Variants in ALDH1A2 observed in about 807,000 individuals in gnomAD.
ALDH1A2 encodes the protein retinal dehydrogenase 2.
A neutral mutation model predicts 60.3 loss-of-function variants in ALDH1A2; 27 were observed. That is an observed-to-expected ratio of 0.45 (90% confidence interval 0.33 to 0.62). The LOEUF is 0.62. Ranked by LOEUF, ALDH1A2 falls within the 20% of genes least tolerant of loss-of-function variation. The pLI, the probability that ALDH1A2 is intolerant of heterozygous loss-of-function variation, is 0.02. For missense variants in ALDH1A2, 581 were observed against 643.8 expected, an observed-to-expected ratio of 0.90 and a Z score of 1.06; for synonymous variants, 289 against 232.4, an observed-to-expected ratio of 1.24 and a Z score of -2.21.
intron 1 of ALDH1A2, among the ~76,000 whole-genome samples, chr15:58,033,491 T>G (rs1169363340): frequency 1.3e-5 from 2 of 151,890 alleles, no homozygotes; most frequent in Admixed American, 1.3e-4. Context: ...TTTAACAACT[T>G]CACCTTTAAA....
chr15:58,028,388 C>T (rs1258679104), intron 1 of ALDH1A2, among the ~76,000 whole-genome samples: 39 of 152,130 alleles, frequency 2.6e-4, no homozygotes, highest in Admixed American at 2.5e-3. Context: ...CTTACAAGAG[C>T]TCCTGAAAGA....
rs182290949 is a variant in ALDH1A2, at chr15:58,041,975, T to G, written c.117+23559A>C. Among the ~76,000 whole-genome samples the G allele has an allele frequency of 3.6e-3, 545 of 152,044 alleles. 3 individuals are homozygous for G. The highest frequency in any genetic ancestry group is 0.011 in the African/African-American group (456 of 41,532). ...TGTCTCTCAAAATATCTTACCATACTGTACTCACCTGACTGTGGAAAGCAA... is the reference window on the plus strand; with the variant it reads ...TGTCTCTCAAAATATCTTACCATACGGTACTCACCTGACTGTGGAAAGCAA... On this transcript the variant is annotated intron_variant, in intron 1 of 12. Transcript: ENST00000249750.
Position 58,014,174 on chromosome 15 carries a change from T to C in ALDH1A2, c.222+3A>G. 1 of 1,614,068 alleles carries C rather than the reference T, an allele frequency of 6.2e-7. No individual in the cohort carries two copies. The highest frequency in any genetic ancestry group is 8.5e-7 in the Non-Finnish European group (1 of 1,179,888). ...GGAAATCTTTTATCTACAAAAGACA[T>C]ACCTTGTCTGCTTCTTGAACTTCAC... On this transcript the variant is annotated splice_donor_region_variant and intron_variant, in intron 2 of 12. Coordinates refer to ENST00000249750, the MANE Select transcript of ALDH1A2 (RefSeq NM_003888.4).
At chr15:58,024,808 C>T (rs1896033013) in intron 1 of ALDH1A2, among the ~76,000 whole-genome samples, 1 of 152,112 alleles carries the variant, frequency 6.6e-6, no homozygotes, top group Admixed American at 6.5e-5. Flanking sequence ...AAATAAATCT[C>T]AGCAATTTTT....
intron 7 of ALDH1A2, among the ~76,000 whole-genome samples, chr15:57,981,745 AAAAT>A (rs1894521647): frequency 6.6e-6 from 1 of 152,194 alleles, no homozygotes; most frequent in Non-Finnish European, 1.5e-5. Flanking sequence ...CTTCATTTTA[AAAAT>A]AAATAGAAAA....
intron 1 of ALDH1A2, among the ~76,000 whole-genome samples, chr15:58,056,591 AG>A (rs1164458323): frequency 6.6e-6 from 1 of 151,674 alleles, no homozygotes; most frequent in Non-Finnish European, 1.5e-5. Context: ...ACTGTATGAC[AG>A]TTACACAAGA....
intron 1 of ALDH1A2, among the ~76,000 whole-genome samples, chr15:58,016,794 A>C (rs1437046004): frequency 6.6e-6 from 1 of 152,196 alleles, no homozygotes; most frequent in Non-Finnish European, 1.5e-5. Context: ...CCTAGAAATG[A>C]ATGTCACCAC....
chr15:58,057,161 G>A (rs1896917798), intron 1 of ALDH1A2, among the ~76,000 whole-genome samples: 1 of 152,064 alleles, frequency 6.6e-6, no homozygotes, highest in Non-Finnish European at 1.5e-5. Flanking sequence ...AATGCTGGAT[G>A]CATCATAAAT....
chr15:57,983,368 T>C (rs1319093565), intron 7 of ALDH1A2, among the ~76,000 whole-genome samples: 2 of 152,214 alleles, frequency 1.3e-5, no homozygotes, highest in African/African-American at 2.4e-5. Context: ...CTAGCATTCC[T>C]TTCCTCGAAT....
At chr15:57,988,043 A>C (rs1238556248) in intron 7 of ALDH1A2, among the ~76,000 whole-genome samples, 1 of 152,162 alleles carries the variant, frequency 6.6e-6, no homozygotes, top group Non-Finnish European at 1.5e-5. Context: ...CAACACAAAC[A>C]AGGAAGGAGG....
intron 7 of ALDH1A2, among the ~76,000 whole-genome samples, chr15:57,973,125 C>T (rs1194389566): frequency 2.0e-5 from 3 of 152,204 alleles, no homozygotes; most frequent in Admixed American, 2.0e-4. Context: ...TATCTTGCTG[C>T]TAATGATGAG....
At chr15:58,050,156 G>C (rs193302093) in intron 1 of ALDH1A2, among the ~76,000 whole-genome samples, 1 of 151,626 alleles carries the variant, frequency 6.6e-6, no homozygotes, top group African/African-American at 2.4e-5. Flanking sequence ...TTTTTACAAT[G>C]GGCTTAGTTG....
intron 1 of ALDH1A2, among the ~76,000 whole-genome samples, chr15:58,039,251 GTTTT>G (rs4646577): frequency 6.7e-6 from 1 of 149,476 alleles, no homozygotes; most frequent in Non-Finnish European, 1.5e-5. Flanking sequence ...TCTCAGATTA[GTTTT>G]TTTTTTCTCC....
Position 57,965,737 on chromosome 15 carries a change from CAAAAAT to C in ALDH1A2, c.883_888del (p.Ile295_Phe296del). 1 of 1,613,786 alleles carries C rather than the reference CAAAAAT, an allele frequency of 6.2e-7. No individual in the cohort carries two copies. The highest frequency in any genetic ancestry group is 8.5e-7 in the Non-Finnish European group (1 of 1,179,670). On this transcript the variant is annotated inframe_deletion, in exon 8 of 13. Transcript: ENST00000249750. ...GTAGTTGACTTACAGTCAGCATCAG[CAAAAAT>C]AATATTAGGACTTTTGCCTCCAAGT...
chr15:57,956,695 C>A (rs558042182), intron 12 of ALDH1A2, among the ~76,000 whole-genome samples: 8 of 152,226 alleles, frequency 5.3e-5, no homozygotes, highest in Non-Finnish European at 1.0e-4. Context: ...ACCAGCTCAG[C>A]TCTGGCTCTC....
At chr15:57,961,454 T>C (rs1893717557) in intron 10 of ALDH1A2, among the ~76,000 whole-genome samples, 160 bp from the exon 11 acceptor site, 1 of 152,220 alleles carries the variant, frequency 6.6e-6, no homozygotes, top group South Asian at 2.1e-4. Flanking sequence ...GATAAGATTA[T>C]GCAAGAAGAG....
At chr15:57,976,431 G>A (rs994116714) in intron 7 of ALDH1A2, among the ~76,000 whole-genome samples, 2 of 151,894 alleles carry the variant, frequency 1.3e-5, no homozygotes, top group Admixed American at 6.6e-5. Context: ...CCCCTAGCCC[G>A]ACAGGCCCCG....
At chr15:58,036,198 G>T (rs1216544997) in intron 1 of ALDH1A2, among the ~76,000 whole-genome samples, 4 of 151,440 alleles carry the variant, frequency 2.6e-5, no homozygotes, top group South Asian at 2.1e-4. Flanking sequence ...AAAATTGCTA[G>T]AAGTACAAAT....
intron 1 of ALDH1A2, among the ~76,000 whole-genome samples, chr15:58,018,060 T>C (rs528798866): frequency 1.3e-5 from 2 of 152,304 alleles, no homozygotes; most frequent in South Asian, 4.1e-4. Context: ...ATCCTGTCCA[T>C]AGCATTATTC....
Sources: allele counts gnomAD v4.1 joint callset (sites outside exome capture counted in the v4.1 genomes callset), GRCh38; gene constraint gnomAD v4.1.1; transcripts MANE v1.5; gene names NCBI Gene and HGNC (gene_info 2026-07-23, HGNC 2026-07-21).